Variants in MAGI2 observed in about 807,000 individuals in gnomAD.
MAGI2 encodes the protein membrane associated guanylate kinase, WW and PDZ domain containing 2.
MAGI2 carries 35 observed loss-of-function variants against 133.3 expected under a neutral mutation model. The ratio of observed to expected loss-of-function variants is 0.26; its 90% CI spans 0.20 to 0.35. The LOEUF is 0.35. MAGI2 is among the 10% of genes least tolerant of loss of function. MAGI2 has a pLI of 1.00. For missense variants in MAGI2, 1,636 were observed against 1,863.4 expected, an observed-to-expected ratio of 0.88 and a Z score of 2.25; for synonymous variants, 729 against 710.6, an observed-to-expected ratio of 1.03 and a Z score of -0.41.
intron 9 of MAGI2, among the ~76,000 whole-genome samples, chr7:78,316,328 A>G (rs1787404997): frequency 6.6e-6 from 1 of 152,210 alleles, no homozygotes; most frequent in Non-Finnish European, 1.5e-5. Context: ...TTTAGTGCTG[A>G]TACAGATACA....
At chr7:78,617,527 T>C (rs1807239406) in intron 3 of MAGI2, 1 of 152,090 alleles carries the variant, frequency 6.6e-6, no homozygotes, top group African/African-American at 2.4e-5. Flanking sequence ...GTGTTATGAA[T>C]GATTTGCCAT....
intron 20 of MAGI2, among the ~76,000 whole-genome samples, chr7:78,105,081 T>C (rs1563126573): frequency 6.6e-6 from 1 of 152,166 alleles, no homozygotes; most frequent in Non-Finnish European, 1.5e-5. Flanking sequence ...CTCAATAATA[T>C]ATTGCTTAGC....
intron 20 of MAGI2, among the ~76,000 whole-genome samples, chr7:78,097,994 G>A (rs1817867225): frequency 6.9e-6 from 1 of 143,898 alleles, no homozygotes; most frequent in Admixed American, 6.8e-5. Context: ...AAAATTTCGT[G>A]TGTTATTAAA....
chr7:78,272,002 T>G (rs1469230158), intron 9 of MAGI2, among the ~76,000 whole-genome samples: 1 of 152,140 alleles, frequency 6.6e-6, no homozygotes, highest in African/African-American at 2.4e-5. Context: ...AGTTTGTATG[T>G]TCTTGCTTCT....
chr7:78,982,056 G>T (rs951665533), intron 2 of MAGI2, among the ~76,000 whole-genome samples: 2 of 151,602 alleles, frequency 1.3e-5, no homozygotes, highest in South Asian at 2.1e-4. Context: ...TTCTTTCCCT[G>T]TGAAGAATTA....
chr7:78,574,046 C>G (rs935849702), intron 3 of MAGI2, among the ~76,000 whole-genome samples: 2 of 152,158 alleles, frequency 1.3e-5, no homozygotes, highest in African/African-American at 4.8e-5. Flanking sequence ...GAATAATCAT[C>G]TAACATTTGG....
chr7:79,265,185 T>C (rs1382355389), intron 1 of MAGI2, among the ~76,000 whole-genome samples: 3 of 152,138 alleles, frequency 2.0e-5, no homozygotes, highest in Non-Finnish European at 2.9e-5. Context: ...AGCACCATCA[T>C]CACCTGAGAA....
rs1006858811 is a variant in MAGI2, at chr7:78,809,635, GT to G, written c.419-182397del. The stretch of plus-strand genomic sequence containing the variant: ...ATTTTGGTTTCCCAGTTGCCTTACT[GT>G]TTTTTTTTTCCTATTACTAAATTTT... On this transcript the variant is annotated intron_variant, in intron 2 of 21. Transcript: ENST00000354212. Among the ~76,000 whole-genome samples the G allele has an allele frequency of 3.2e-3, 469 of 148,142 alleles. 1 individual carries two copies. The highest frequency in any genetic ancestry group is 0.011 in the African/African-American group (433 of 40,598).
intron 21 of MAGI2, among the ~76,000 whole-genome samples, chr7:78,053,174 A>T (rs1456337940): frequency 6.6e-6 from 1 of 152,256 alleles, no homozygotes; most frequent in African/African-American, 2.4e-5. Context: ...CTAAAAAGAG[A>T]GCCCATTAGA....
At chr7:78,241,421 T>C (rs1002544224) in intron 10 of MAGI2, among the ~76,000 whole-genome samples, 3 of 152,154 alleles carry the variant, frequency 2.0e-5, no homozygotes, top group African/African-American at 7.2e-5. Flanking sequence ...TGGCATTTTC[T>C]ATGCTTAGGA....
intron 2 of MAGI2, among the ~76,000 whole-genome samples, chr7:78,923,607 T>A (rs1224492396): frequency 1.3e-5 from 2 of 152,208 alleles, no homozygotes; most frequent in Non-Finnish European, 2.9e-5. Flanking sequence ...CCTTGTAGTA[T>A]AGTTTGAAGT....
intron 1 of MAGI2, among the ~76,000 whole-genome samples, chr7:79,109,970 G>A (rs950506788): frequency 3.0e-4 from 46 of 152,326 alleles, no homozygotes; most frequent in African/African-American, 1.1e-3. Flanking sequence ...CACCCTAGGA[G>A]GTTGCTCCTC....
At chr7:78,493,182 T>A (rs559665089) in intron 5 of MAGI2, among the ~76,000 whole-genome samples, 1 of 152,280 alleles carries the variant, frequency 6.6e-6, no homozygotes, top group African/African-American at 2.4e-5. Flanking sequence ...TAAATTCATA[T>A]CAGAATGGCC....
At chr7:78,435,834 A>AG (rs1800232633) in intron 6 of MAGI2, among the ~76,000 whole-genome samples, 2 of 152,198 alleles carry the variant, frequency 1.3e-5, no homozygotes, top group Non-Finnish European at 2.9e-5. Flanking sequence ...TCTATTGGAA[A>AG]GGGGAATTTT....
chr7:78,156,404 T>C (rs1026746271), intron 16 of MAGI2, among the ~76,000 whole-genome samples: 1 of 152,124 alleles, frequency 6.6e-6, no homozygotes, highest in African/African-American at 2.4e-5. Context: ...TAACAGAACC[T>C]ATAGCCAGAG....
At chr7:79,270,997 T>C (rs1000202537) in intron 1 of MAGI2, among the ~76,000 whole-genome samples, 1 of 152,066 alleles carries the variant, frequency 6.6e-6, no homozygotes, top group Non-Finnish European at 1.5e-5. Flanking sequence ...ACTCCCCTAT[T>C]TCCTTTACTG....
At chr7:79,340,866 T>C (rs1840846386) in intron 1 of MAGI2, among the ~76,000 whole-genome samples, 1 of 152,132 alleles carries the variant, frequency 6.6e-6, no homozygotes, top group African/African-American at 2.4e-5. Context: ...GCCATTTACC[T>C]GAGGTTTCAG....
chr7:78,221,965 G>T (rs1291499231), intron 10 of MAGI2, among the ~76,000 whole-genome samples: 1 of 151,856 alleles, frequency 6.6e-6, no homozygotes, highest in Admixed American at 6.5e-5. Flanking sequence ...TGGGAGGATC[G>T]CTTGAGCCCA....
In MAGI2 at chr7:78,808,413, C is replaced by T. The variant is rs936618519; in HGVS notation, c.419-181174G>A. Among the ~76,000 whole-genome samples, 7 of 151,966 alleles carry T rather than the reference C, an allele frequency of 4.6e-5. No homozygotes were observed. In the East Asian group the frequency reaches 5.8e-4, roughly 13 times the overall value. The stretch of plus-strand genomic sequence containing the variant: ...CTGGGACTACAGGTGCCCGCCACCA[C>T]GCCTGGCTAATTTTTTGTATTTTTA... On this transcript the variant is annotated intron_variant, in intron 2 of 21. Transcript: ENST00000354212.
Sources: allele counts gnomAD v4.1 joint callset (sites outside exome capture counted in the v4.1 genomes callset), GRCh38; gene constraint gnomAD v4.1.1; transcripts MANE v1.5; gene names NCBI Gene and HGNC (gene_info 2026-07-23, HGNC 2026-07-21).